Variants in KCNT2 observed in about 807,000 individuals in gnomAD.
The protein encoded by KCNT2 is potassium channel subfamily T member 2.
Under a neutral mutation model 153.8 loss-of-function variants are expected in KCNT2, and 67 were observed. The ratio of observed to expected loss-of-function variants is 0.44; its 90% CI spans 0.36 to 0.53. The LOEUF is 0.53. Ranked by LOEUF, KCNT2 falls within the 20% of genes least tolerant of loss-of-function variation. The pLI is 0.00. For missense variants in KCNT2, 975 were observed against 1,354.8 expected (o/e 0.72, Z 4.40); for synonymous variants, 500 against 458.8 (o/e 1.09, Z -1.15).
At chr1:196,554,577 C>A (rs1215569395) in intron 1 of KCNT2, among the ~76,000 whole-genome samples, 1 of 151,144 alleles carries the variant, frequency 6.6e-6, no homozygotes, top group African/African-American at 2.4e-5. Flanking sequence ...AGAACTAATA[C>A]CAATCCTACT....
chr1:196,556,978 G>A (rs578102267), intron 1 of KCNT2, among the ~76,000 whole-genome samples: 3 of 151,148 alleles, frequency 2.0e-5, no homozygotes, highest in Non-Finnish European at 4.4e-5. Flanking sequence ...GTTACTGGAT[G>A]CTGAGGTGAG....
At chr1:196,348,050 T>C (rs1429849713) in intron 14 of KCNT2, among the ~76,000 whole-genome samples, 3 of 152,168 alleles carry the variant, frequency 2.0e-5, no homozygotes, top group African/African-American at 7.2e-5. Flanking sequence ...GCTTAATATA[T>C]GTTTTGTTAA....
chr1:196,521,238 A>G (rs1653348720), intron 1 of KCNT2, among the ~76,000 whole-genome samples: 1 of 152,242 alleles, frequency 6.6e-6, no homozygotes, highest in African/African-American at 2.4e-5. Flanking sequence ...TCAAAACCAC[A>G]ATGATATACC....
chr1:196,403,601 G>T (rs189557906), intron 12 of KCNT2, among the ~76,000 whole-genome samples: 12 of 151,538 alleles, frequency 7.9e-5, no homozygotes, highest in Admixed American at 2.6e-4. Flanking sequence ...TTCAACAAAT[G>T]TATCACAATA....
rs553872149 is a variant in KCNT2 at position 196,538,198 on chromosome 1, T to C, written c.96-45857A>G. Reference sequence around the variant, plus strand: ...TCCAGCTGCTTCACTGCCTCCTCCATGCAAATGGAGGACCCATCTACTGCC... The same window carrying C: ...TCCAGCTGCTTCACTGCCTCCTCCACGCAAATGGAGGACCCATCTACTGCC... On this transcript the variant is annotated intron_variant, in intron 1 of 27. Coordinates refer to ENST00000294725, the MANE Select transcript of KCNT2 (RefSeq NM_198503.5). Among the ~76,000 whole-genome samples the C allele has an allele frequency of 7.9e-5, 12 of 152,114 alleles. No individual in the cohort carries two copies. The South Asian group carries it at 2.3e-3, about 29-fold the overall frequency.
intron 16 of KCNT2, among the ~76,000 whole-genome samples, chr1:196,334,914 C>A (rs933211879): frequency 2.0e-5 from 3 of 151,992 alleles, no homozygotes; most frequent in Admixed American, 2.0e-4. Flanking sequence ...ATAAGGAGCA[C>A]ACAAGTCATG....
At chr1:196,522,046 C>T (rs1314202333) in intron 1 of KCNT2, among the ~76,000 whole-genome samples, 1 of 152,092 alleles carries the variant, frequency 6.6e-6, no homozygotes, top group East Asian at 1.9e-4. Flanking sequence ...TCCAGTAGTA[C>T]TTGTAGTTTT....
intron 8 of KCNT2, among the ~76,000 whole-genome samples, chr1:196,439,920 A>G (rs1287226696): frequency 1.3e-5 from 2 of 151,862 alleles, no homozygotes; most frequent in East Asian, 3.9e-4. Flanking sequence ...GGAGCGCATT[A>G]CGACAAATAC....
intron 13 of KCNT2, among the ~76,000 whole-genome samples, chr1:196,390,158 A>G (rs955623751): frequency 2.6e-5 from 4 of 151,332 alleles, no homozygotes; most frequent in Non-Finnish European, 5.9e-5. Context: ...ACTATTTCAT[A>G]TATTTTGGCA....
At chr1:196,451,217 C>CTTTTTTTTTGTTTTTTTTTTTTTT (rs1676136929) in intron 8 of KCNT2, among the ~76,000 whole-genome samples, 1 of 63,552 alleles carries the variant, frequency 1.6e-5, no homozygotes, top group Non-Finnish European at 3.1e-5. Flanking sequence ...ATCCCTCTTT[C>CTTTTTTTTTGTTTTTTTTTTTTTT]TTTTTTTTTT....
intron 8 of KCNT2, among the ~76,000 whole-genome samples, chr1:196,438,128 G>T (rs1674890481): frequency 1.3e-5 from 2 of 151,432 alleles, no homozygotes; most frequent in African/African-American, 2.4e-5. Flanking sequence ...GAAATGTCTG[G>T]GATAGAATAA....
intron 1 of KCNT2, among the ~76,000 whole-genome samples, chr1:196,505,620 G>T (rs1298497026): frequency 2.0e-5 from 3 of 152,126 alleles, no homozygotes; most frequent in African/African-American, 7.2e-5. Flanking sequence ...ATTCTGTGAA[G>T]AAAGTCATTG....
chr1:196,297,416 G>C (rs1458126397), intron 22 of KCNT2, among the ~76,000 whole-genome samples: 1 of 151,976 alleles, frequency 6.6e-6, no homozygotes, highest in Non-Finnish European at 1.5e-5. Context: ...CTCTTCCATG[G>C]GGAGCTAATT....
At chr1:196,449,104 G>A (rs998281711) in intron 8 of KCNT2, among the ~76,000 whole-genome samples, 4 of 151,604 alleles carry the variant, frequency 2.6e-5, no homozygotes, top group Non-Finnish European at 4.4e-5. Context: ...ATCCTGGGGA[G>A]AACAGTTAAA....
At chr1:196,236,731 C>T (rs968638545) in intron 26 of KCNT2, among the ~76,000 whole-genome samples, 2 of 151,346 alleles carry the variant, frequency 1.3e-5, no homozygotes, top group Non-Finnish European at 3.0e-5. Context: ...AAGCTGAACC[C>T]TTTTAATTTA....
intron 26 of KCNT2, 36 bp downstream of exon 26, chr1:196,258,158 C>G (rs371764332): frequency 6.3e-7 from 1 of 1,580,176 alleles, no homozygotes; most frequent in South Asian, 1.1e-5. Flanking sequence ...CAAGAAATCA[C>G]GAGTCCATAT....
intron 1 of KCNT2, among the ~76,000 whole-genome samples, chr1:196,579,787 T>G (rs920061139): frequency 2.0e-5 from 3 of 151,850 alleles, no homozygotes; most frequent in Admixed American, 6.6e-5. Flanking sequence ...GCCACCACAC[T>G]CCTCCCAGTT....
At chr1:196,351,239 A>C (rs1231774647) in intron 14 of KCNT2, among the ~76,000 whole-genome samples, 1 of 152,130 alleles carries the variant, frequency 6.6e-6, no homozygotes, top group Non-Finnish European at 1.5e-5. Flanking sequence ...AATTCTGTGA[A>C]GAAAGTCATT....
chr1:196,435,732 G>T (rs930488161), intron 8 of KCNT2, among the ~76,000 whole-genome samples: 1 of 151,666 alleles, frequency 6.6e-6, no homozygotes, highest in African/African-American at 2.4e-5. Context: ...AACTGTCTAG[G>T]CTATGTTTTA....
Sources: gnomAD v4.1 joint callset for allele counts (sites outside exome capture counted in the v4.1 genomes callset) on GRCh38, gnomAD v4.1.1 for gene constraint, MANE v1.5 for transcripts, NCBI Gene and HGNC (gene_info 2026-07-23, HGNC 2026-07-21) for gene names.